The following DLC1 variants were observed in gnomAD, a reference collection of about 807,000 sequenced individuals.
DLC1 encodes the protein rho GTPase-activating protein 7.
In DLC1, 54 loss-of-function variants were observed where a neutral mutation model predicts 140.3. The observed-to-expected ratio is 0.38, with a 90% CI of 0.31 to 0.48. The LOEUF (loss-of-function observed/expected upper bound fraction) is 0.48. Ranked by LOEUF, DLC1 falls within the 20% of genes least tolerant of loss-of-function variation. The probability of loss-of-function intolerance (pLI) is 0.96; values close to 1 mark genes in which losing one functional copy is unlikely to be tolerated. For missense variants in DLC1, 2,536 were observed against 1,907.0 expected (o/e 1.33, Z -6.14); for synonymous variants, 986 against 728.1 (o/e 1.35, Z -5.70).
rs1456570634 is a variant in DLC1 at position 13,086,280 on chromosome 8, C to G, written c.4466+10G>C. 7.5e-6 allele frequency: 12 copies of G among 1,608,802 alleles called. No homozygotes were observed. The highest frequency in any genetic ancestry group is 1.0e-5 in the Non-Finnish European group (12 of 1,177,084). ...CCTCACCATATAAAAAAATCAGAAT[C>G]AGAACATACCTTAAGTCAACTCTGC... On this transcript the variant is annotated intron_variant, in intron 17 of 17. Coordinates refer to ENST00000276297, the MANE Select transcript of DLC1 (RefSeq NM_182643.3).
intron 4 of DLC1, among the ~76,000 whole-genome samples, chr8:13,337,158 G>C (rs537048905): frequency 6.6e-6 from 1 of 152,094 alleles, no homozygotes; most frequent in Non-Finnish European, 1.5e-5. Context: ...TTTCTCTACA[G>C]TTTTGCTCTA....
chr8:13,394,978 C>G (rs1404335378), intron 3 of DLC1, among the ~76,000 whole-genome samples: 1 of 140,720 alleles, frequency 7.1e-6, no homozygotes, highest in Non-Finnish European at 1.6e-5. Flanking sequence ...TTTTCCAATC[C>G]TCTTTGCTTG....
intron 1 of DLC1, among the ~76,000 whole-genome samples, chr8:13,527,788 C>T (rs1240480316): frequency 6.6e-6 from 1 of 152,084 alleles, no homozygotes; most frequent in Admixed American, 6.6e-5. Flanking sequence ...AGGTATGAAA[C>T]AGCATCTATT....
intron 5 of DLC1, among the ~76,000 whole-genome samples, chr8:13,124,185 G>A (rs574051452): frequency 6.6e-6 from 1 of 152,322 alleles, no homozygotes; most frequent in East Asian, 1.9e-4. Flanking sequence ...GAAGAGGAAT[G>A]TGATATGACA....
intron 2 of DLC1, among the ~76,000 whole-genome samples, chr8:13,422,418 C>A (rs1483133114): frequency 6.6e-6 from 1 of 150,384 alleles, no homozygotes; most frequent in Non-Finnish European, 1.5e-5. Flanking sequence ...TTTTTTCTTA[C>A]CAATGAGTAT....
rs1323843166 is a variant in DLC1, at chr8:13,099,718, G to T, written c.2619C>A (p.Ser873Arg). The change falls in exon 9 of 18, where the codon AGC (serine) becomes AGA (arginine). Residue 873 changes from serine (S) to arginine (R), a missense_variant. By Grantham distance (110) the Ser-to-Arg change is moderately radical (BLOSUM62 -1). Coordinates refer to ENST00000276297, the MANE Select transcript of DLC1 (RefSeq NM_182643.3). ...CGTTGTCGTAGATGCTCAGGCGGCT[G>T]CTCATGGAGCTGGAAGAATTGCGTC... is the stretch of plus-strand genomic sequence containing the variant. ...LKRRNSSSSMSSRLSIYDNVP... is the reference protein window; with the variant it reads ...LKRRNSSSSMRSRLSIYDNVP... 2 of 1,614,066 alleles carry T rather than the reference G, an allele frequency of 1.2e-6. No homozygotes were observed. The highest frequency in any genetic ancestry group is 1.7e-5 in the Admixed American group (1 of 60,006).
intron 2 of DLC1, among the ~76,000 whole-genome samples, chr8:13,451,313 T>C (rs932715686): frequency 3.9e-5 from 6 of 152,132 alleles, no homozygotes; most frequent in African/African-American, 1.4e-4. Context: ...TGCTTCTTAA[T>C]CACATACTGG....
chr8:13,551,585 G>C (rs1489620021), intron 1 of DLC1, among the ~76,000 whole-genome samples: 3 of 151,888 alleles, frequency 2.0e-5, no homozygotes, highest in Non-Finnish European at 2.9e-5. Context: ...AAAACTTCTG[G>C]AGTGCTGCAT....
chr8:13,197,419 G>A (rs1212533768), intron 5 of DLC1, among the ~76,000 whole-genome samples: 10 of 151,770 alleles, frequency 6.6e-5, no homozygotes, highest in Non-Finnish European at 1.5e-4. Context: ...CGTGATCTCG[G>A]CTCACTGCAA....
intron 4 of DLC1, among the ~76,000 whole-genome samples, chr8:13,352,433 C>T (rs1041973389): frequency 2.6e-5 from 4 of 152,110 alleles, no homozygotes; most frequent in Non-Finnish European, 5.9e-5. Flanking sequence ...CTCAGCTGGA[C>T]TGCAGTGGGG....
intron 5 of DLC1, among the ~76,000 whole-genome samples, chr8:13,272,311 G>A (rs962945434): frequency 6.6e-6 from 1 of 152,034 alleles, no homozygotes; most frequent in Non-Finnish European, 1.5e-5. Flanking sequence ...AGCCAGGCGA[G>A]GTGGTGGTTG....
At chr8:13,463,218 T>C (rs1013227452) in intron 2 of DLC1, among the ~76,000 whole-genome samples, 1 of 152,028 alleles carries the variant, frequency 6.6e-6, no homozygotes, top group Non-Finnish European at 1.5e-5. Context: ...TGAATATCTG[T>C]CAGATTTGCA....
intron 1 of DLC1, among the ~76,000 whole-genome samples, chr8:13,529,871 T>A (rs1442137982): frequency 6.6e-6 from 1 of 152,170 alleles, no homozygotes; most frequent in Admixed American, 6.5e-5. Context: ...CTCAAGGCCA[T>A]GTTTATTTCT....
chr8:13,405,820 C>T lies in DLC1; in HGVS notation c.1024-4201G>A, dbSNP rs979102400. On this transcript the variant is annotated intron_variant, in intron 2 of 17. Transcript: ENST00000276297. ...CTTTTTTTCTCTTTTCTCATTCCTT[C>T]CTTTCTTCCTTCCCTCCCTCCCTCC... 5.3e-4 allele frequency among the ~76,000 whole-genome samples: 80 copies of T among 151,130 alleles called. 1 individual carries two copies. Among genetic ancestry groups the T allele is most frequent in the Admixed American group, 1.8e-3 (27 of 15,204 alleles).
At chr8:13,205,259 G>T (rs138115178) in intron 5 of DLC1, among the ~76,000 whole-genome samples, 211 of 152,216 alleles carry the variant, frequency 1.4e-3, no homozygotes, top group African/African-American at 4.8e-3. Context: ...TGGTACCCCC[G>T]GCAATTGTGC....
chr8:13,465,563 G>T (rs1035050346), intron 2 of DLC1, among the ~76,000 whole-genome samples: 3 of 151,512 alleles, frequency 2.0e-5, no homozygotes, highest in Non-Finnish European at 2.9e-5. Context: ...CCATTTTTTT[G>T]CCCGTTCTTC....
intron 5 of DLC1, among the ~76,000 whole-genome samples, chr8:13,180,137 A>G (rs759901748): frequency 6.6e-6 from 1 of 152,170 alleles, no homozygotes; most frequent in Non-Finnish European, 1.5e-5. Flanking sequence ...CCCTTAATTC[A>G]TATGTCAAGG....
intron 4 of DLC1, among the ~76,000 whole-genome samples, chr8:13,313,917 C>T (rs78398302): frequency 0.016 from 2,474 of 152,070 alleles, 74 homozygotes; most frequent in African/African-American, 0.056. Flanking sequence ...ATTCTTTGTC[C>T]TTTTAGGTAA....
chr8:13,271,535 T>C (rs377101848), intron 5 of DLC1, among the ~76,000 whole-genome samples: 5 of 152,358 alleles, frequency 3.3e-5, no homozygotes, highest in African/African-American at 1.2e-4. Context: ...CTCCGCAAAA[T>C]ACCTCAGGGG....
Sources: gnomAD v4.1 joint callset for allele counts (sites outside exome capture counted in the v4.1 genomes callset) on GRCh38, gnomAD v4.1.1 for gene constraint, MANE v1.5 for transcripts, NCBI Gene and HGNC (gene_info 2026-07-23, HGNC 2026-07-21) for gene names.